The following ASPHD1 variants were observed in gnomAD, a reference collection of about 807,000 sequenced individuals.
The protein encoded by ASPHD1 is aspartate beta-hydroxylase domain-containing protein 1.
Under a neutral mutation model 28.3 loss-of-function variants are expected in ASPHD1, and 20 were observed. The ratio of observed to expected loss-of-function variants is 0.71; its 90% CI spans 0.50 to 1.03. The LOEUF (loss-of-function observed/expected upper bound fraction) is 1.03, where lower values mean the gene tolerates loss of function less well. Among genes scored for constraint, ASPHD1 ranks in the 50% least tolerant of loss-of-function variants. ASPHD1 has a pLI of 0.00. For missense variants in ASPHD1, 479 were observed against 524.1 expected, an observed-to-expected ratio of 0.91 and a Z score of 0.84; for synonymous variants, 240 against 221.2, an observed-to-expected ratio of 1.08 and a Z score of -0.75.
downstream of ASPHD1, chr16:29,906,349 TAAC>T (rs987966455): frequency 4.9e-6 from 1 of 204,304 alleles, no homozygotes. Flanking sequence ...TTTCTCAACT[TAAC>T]TTTATTTCAA....
downstream of ASPHD1, among the ~76,000 whole-genome samples, chr16:29,909,997 G>A (rs182603643): frequency 1.8e-4 from 27 of 151,924 alleles, no homozygotes; most frequent in African/African-American, 5.8e-4. Context: ...TACTTGGGAG[G>A]CTGAGGCAGG....
chr16:29,905,734 G>A, intron 2 of ASPHD1, 54 bp from the exon 3 acceptor site: 4 of 1,257,720 alleles, frequency 3.2e-6, no homozygotes, highest in Non-Finnish European at 4.7e-6. Context: ...GAGTGCTCTG[G>A]TGTGCAAGTA....
chr16:29,911,225 G>C lies in ASPHD1; in HGVS notation c.*62+5266G>C, dbSNP rs1487917062. 5 of 1,428,096 alleles carry C rather than the reference G, an allele frequency of 3.5e-6. No individual in the cohort carries two copies. In the Admixed American group the frequency reaches 7.2e-5, roughly 21 times the overall value. 88.5% of individuals were successfully genotyped at this position (1,428,096 alleles called of 1,614,324 possible). A position where few individuals can be genotyped will look rare whatever the true frequency, so the allele number is the denominator to read the frequency against. Reference sequence around the variant, plus strand: ...CAGCGCAGTTGGCACCCCTCCCTCTGTACCCCCAGAAGACGGGCCTGGATG... The same window carrying C: ...CAGCGCAGTTGGCACCCCTCCCTCTCTACCCCCAGAAGACGGGCCTGGATG... On this transcript the variant is annotated intron_variant and NMD_transcript_variant, in intron 3 of 3. Transcript: ENST00000414952.
downstream of ASPHD1, chr16:29,906,133 T>G: frequency 2.0e-5 from 6 of 303,390 alleles, no homozygotes; most frequent in East Asian, 6.1e-5. Context: ...AACAGGTACC[T>G]CCTTTTTTTT....
chr16:29,908,510 G>A (rs561032677), downstream of ASPHD1, among the ~76,000 whole-genome samples: 28 of 152,026 alleles, frequency 1.8e-4, no homozygotes, highest in South Asian at 5.8e-3. Context: ...TCAACCTCCC[G>A]GAGTAGCTGG....
intron 1 of ASPHD1, among the ~76,000 whole-genome samples, chr16:29,903,457 C>T (rs1405940235): frequency 3.9e-5 from 6 of 151,930 alleles, no homozygotes; most frequent in South Asian, 2.1e-4. Context: ...AGATTACAGG[C>T]GTGAGCCACC....
downstream of ASPHD1, among the ~76,000 whole-genome samples, chr16:29,909,798 G>A (rs905769726): frequency 7.3e-5 from 11 of 151,490 alleles, no homozygotes; most frequent in Non-Finnish European, 1.0e-4. Flanking sequence ...GGGCGGGCCC[G>A]GTGGCTCACA....
Position 29,900,886 on chromosome 16 carries a change from G to T in ASPHD1, c.-86G>T. ...GGCTGCTGGAAGGAGAAAGAAGAGG[G>T]TGAGGAGGCGACAGAGGGAGAGGAG... On this transcript the variant is annotated 5_prime_UTR_variant, in exon 1 of 3. Coordinates refer to ENST00000308748, the MANE Select transcript of ASPHD1 (RefSeq NM_181718.4). The T allele has an allele frequency of 1.7e-6, 2 of 1,203,666 alleles. No homozygotes were observed. Among genetic ancestry groups the T allele is most frequent in the Non-Finnish European group, 2.4e-6 (2 of 843,674 alleles). The allele number at this position is 1,203,666 out of a possible 1,614,324, so 74.6% of individuals were successfully genotyped here.
In ASPHD1 at chr16:29,901,453, G is replaced by C; in HGVS notation, c.482G>C (p.Gly161Ala). 1 of 1,604,220 alleles carries C rather than the reference G, an allele frequency of 6.2e-7. No homozygotes were observed. The highest frequency in any genetic ancestry group is 8.5e-7 in the Non-Finnish European group (1 of 1,176,804). ...TACGCAAGGCGCTACTCCTGGGCTG[G>C]GATGGGTAGAGTGAGGCGGGCAGCT... is the stretch of plus-strand genomic sequence containing the variant. ...RAYARRYSWAGMGRVRRAAQG... is the reference protein window; with the variant it reads ...RAYARRYSWAAMGRVRRAAQG... The change falls in exon 1 of 3, where the codon GGG (glycine) becomes GCG (alanine). Residue 161 changes from glycine (G) to alanine (A), a missense_variant. Transcript: ENST00000308748. The surrounding 1 kb of genome is among the most constrained non-coding windows in gnomAD (Gnocchi z 5.1).
chr16:29,906,819 A>C, downstream of ASPHD1: 1 of 1,511,554 alleles, frequency 6.6e-7, no homozygotes, highest in Non-Finnish European at 9.1e-7. Flanking sequence ...GGGGAGGGAA[A>C]GAGAGAGGGA....
chr16:29,909,532 C>G (rs963499752), downstream of ASPHD1, among the ~76,000 whole-genome samples: 1 of 152,044 alleles, frequency 6.6e-6, no homozygotes, highest in East Asian at 1.9e-4. Context: ...ATTTCCAGCC[C>G]GGTACAGTAC....
chr16:29,918,396 T>G (rs981851664), intron 3 of ASPHD1, among the ~76,000 whole-genome samples: 11 of 152,236 alleles, frequency 7.2e-5, no homozygotes, highest in African/African-American at 2.7e-4. Context: ...TGGCCCAACG[T>G]GAAATACATA....
downstream of ASPHD1, chr16:29,910,957 A>G: frequency 6.2e-7 from 1 of 1,605,258 alleles, no homozygotes; most frequent in Non-Finnish European, 8.5e-7. Context: ...CCCCCAACAT[A>G]GGCTCTGGAG....
At chr16:29,912,043 T>A in intron 3 of ASPHD1, 1 of 1,601,278 alleles carries the variant, frequency 6.2e-7, no homozygotes, top group Non-Finnish European at 8.5e-7. Context: ...AGCGTCTCCC[T>A]TTTTTGCTGG....
intron 3 of ASPHD1, among the ~76,000 whole-genome samples, chr16:29,916,018 G>C (rs2150839637): frequency 6.6e-6 from 1 of 152,200 alleles, no homozygotes; most frequent in South Asian, 2.1e-4. Context: ...GCAGCAAGAA[G>C]CCAGGTGGCA....
At chr16:29,911,216 C>T (rs1234234998) in intron 3 of ASPHD1, 11 of 1,494,020 alleles carry the variant, frequency 7.4e-6, no homozygotes, top group Non-Finnish European at 1.0e-5. Flanking sequence ...AGTTGGCACC[C>T]CTCCCTCTGT....
chr16:29,903,193 A>T (rs1208527800), intron 1 of ASPHD1, among the ~76,000 whole-genome samples: 1 of 151,664 alleles, frequency 6.6e-6, no homozygotes, highest in Non-Finnish European at 1.5e-5. Context: ...TGTCTCTACT[A>T]AAATTACAGA....
At chr16:29,918,265 G>A (rs1201272999) in intron 3 of ASPHD1, among the ~76,000 whole-genome samples, 1 of 152,132 alleles carries the variant, frequency 6.6e-6, no homozygotes, top group Non-Finnish European at 1.5e-5. Flanking sequence ...TTATTTTATA[G>A]TTAGCAACAA....
chr16:29,912,254 A>C, intron 3 of ASPHD1: 1 of 598,234 alleles, frequency 1.7e-6, no homozygotes, highest in Non-Finnish European at 2.9e-6. Context: ...TGCTTCACAC[A>C]TCCAGCTTGT....
Sources: gnomAD v4.1 joint callset for allele counts (sites outside exome capture counted in the v4.1 genomes callset) on GRCh38, gnomAD v4.1.1 for gene constraint, Gnocchi (gnomAD v3.1) non-coding constraint, MANE v1.5 for transcripts, NCBI Gene and HGNC (gene_info 2026-07-23, HGNC 2026-07-21) for gene names.